Variants in CADM2 observed in about 807,000 individuals in gnomAD.
The protein encoded by CADM2 is immunoglobulin superfamily member 4D.
In CADM2, 12 loss-of-function variants were observed where a neutral mutation model predicts 49.8. The ratio of observed to expected loss-of-function variants is 0.24; its 90% CI spans 0.15 to 0.39. The LOEUF is 0.39. Ranked by LOEUF, CADM2 falls within the 10% of genes least tolerant of loss-of-function variation. The probability of loss-of-function intolerance (pLI) is 1.00; values close to 1 mark genes in which losing one functional copy is unlikely to be tolerated. For missense variants in CADM2, 378 were observed against 492.3 expected (o/e 0.77, Z 2.20); for synonymous variants, 214 against 175.4 (o/e 1.22, Z -1.74).
intron 1 of CADM2, among the ~76,000 whole-genome samples, chr3:85,099,448 A>G (rs1328119553): frequency 6.7e-6 from 1 of 149,784 alleles, no homozygotes; most frequent in East Asian, 2.0e-4. Flanking sequence ...CAGAAACTTG[A>G]TGATGTGTAA....
chr3:85,043,378 G>T (rs2035520593), intron 1 of CADM2, among the ~76,000 whole-genome samples: 1 of 151,904 alleles, frequency 6.6e-6, no homozygotes. Context: ...GCCCGTATAT[G>T]ACCATGAACA....
At chr3:85,730,834 G>T (rs1385697803) in intron 2 of CADM2, among the ~76,000 whole-genome samples, 1 of 152,014 alleles carries the variant, frequency 6.6e-6, no homozygotes, top group African/African-American at 2.4e-5. Flanking sequence ...AGCAAAATTT[G>T]GCAACTATAG....
intron 1 of CADM2, among the ~76,000 whole-genome samples, chr3:85,552,329 A>G (rs2061825799): frequency 6.6e-6 from 1 of 151,578 alleles, no homozygotes; most frequent in East Asian, 1.9e-4. Flanking sequence ...AAATAGCAGA[A>G]TCCATAAAAC....
At chr3:85,668,165 G>A (rs1022104584) in intron 1 of CADM2, among the ~76,000 whole-genome samples, 2 of 151,394 alleles carry the variant, frequency 1.3e-5, no homozygotes, top group Non-Finnish European at 3.0e-5. Context: ...TGGTGGAGAT[G>A]GCCCTTTCCT....
rs537584218 is a variant in CADM2, at chr3:85,507,959, A to G, written c.62-218563A>G. On this transcript the variant is annotated intron_variant, in intron 1 of 9. Transcript: ENST00000383699. ...AGATATCTGATGAATTTTGCCTTGG[A>G]TATGCATTTTTGCTTATTTTGGCAC... 2.0e-5 allele frequency among the ~76,000 whole-genome samples: 3 copies of G among 152,238 alleles called. No homozygotes were observed. In the East Asian group the frequency reaches 5.8e-4, roughly 29 times the overall value.
chr3:85,126,551 G>T (rs1222122699), intron 1 of CADM2, among the ~76,000 whole-genome samples: 5 of 152,014 alleles, frequency 3.3e-5, no homozygotes, highest in African/African-American at 1.2e-4. Flanking sequence ...AGAATGTTTA[G>T]CTTGGTCTTT....
intron 1 of CADM2, among the ~76,000 whole-genome samples, chr3:85,368,099 T>A (rs1349215989): frequency 6.6e-6 from 1 of 152,082 alleles, no homozygotes; most frequent in Admixed American, 6.6e-5. Flanking sequence ...AAGATATCTT[T>A]CCAATAATTT....
rs1219502396 is a variant in CADM2, at chr3:85,472,494, T to A, written c.62-254028T>A. 1.3e-5 allele frequency among the ~76,000 whole-genome samples: 2 copies of A among 152,000 alleles called. 1 individual carries two copies. The highest frequency in any genetic ancestry group is 2.9e-5 in the Non-Finnish European group (2 of 67,926). On this transcript the variant is annotated intron_variant, in intron 1 of 9. Transcript: ENST00000383699. ...TATACATTTCTACTCTGTGTTCTCA[T>A]ATATTATTTATTATGACATTTTGGG... is the stretch of plus-strand genomic sequence containing the variant.
At chr3:85,670,433 T>A (rs2065702350) in intron 1 of CADM2, among the ~76,000 whole-genome samples, 1 of 152,156 alleles carries the variant, frequency 6.6e-6, no homozygotes, top group Non-Finnish European at 1.5e-5. Flanking sequence ...CCTGCCTTAC[T>A]CAATAGTCAT....
intron 1 of CADM2, among the ~76,000 whole-genome samples, chr3:85,029,062 T>C (rs1347751201): frequency 6.6e-6 from 1 of 152,008 alleles, no homozygotes; most frequent in African/African-American, 2.4e-5. Flanking sequence ...TTACAAATTA[T>C]AGACTAAAAT....
At chr3:85,529,697 T>C (rs574372073) in intron 1 of CADM2, among the ~76,000 whole-genome samples, 2 of 152,106 alleles carry the variant, frequency 1.3e-5, no homozygotes, top group South Asian at 4.2e-4. Context: ...TCTCCGTCAC[T>C]GCTTGCTCTA....
intron 7 of CADM2, among the ~76,000 whole-genome samples, chr3:85,958,437 C>T (rs759167249): frequency 1.4e-4 from 22 of 151,866 alleles, no homozygotes; most frequent in Admixed American, 2.6e-4. Context: ...CCCAGCAATC[C>T]CATTACTGGA....
chr3:85,662,250 G>A (rs1190980090), intron 1 of CADM2, among the ~76,000 whole-genome samples: 9 of 138,346 alleles, frequency 6.5e-5, no homozygotes, highest in Non-Finnish European at 7.8e-5. Context: ...TTTTTTTTTG[G>A]TACTTAGACA....
chr3:85,544,492 G>T (rs62253963), intron 1 of CADM2, among the ~76,000 whole-genome samples: 1 of 152,056 alleles, frequency 6.6e-6, no homozygotes, highest in African/African-American at 2.4e-5. Context: ...CGGGTGAATG[G>T]CGTGAACCCG....
At position 85,370,160 on chromosome 3, in the gene CADM2, C is replaced by G. The variant is rs1011954565; in HGVS notation, c.62-356362C>G. 1.2e-4 allele frequency among the ~76,000 whole-genome samples: 18 copies of G among 150,226 alleles called. No individual in the cohort carries two copies. The Middle Eastern group carries it at 0.01, about 88-fold the overall frequency. ...ACCGGGAGGGAGAGGTTGCAGTCAG[C>G]TGAGATAGCGCCATTGCAATCCAGC... On this transcript the variant is annotated intron_variant, in intron 1 of 9. Coordinates refer to ENST00000383699, the MANE Select transcript of CADM2 (RefSeq NM_001167675.2).
At chr3:85,214,167 A>G (rs978237295) in intron 1 of CADM2, among the ~76,000 whole-genome samples, 1 of 151,628 alleles carries the variant, frequency 6.6e-6, no homozygotes, top group African/African-American at 2.4e-5. Flanking sequence ...AGGCCCAGTA[A>G]TGCTGTGGCT....
Position 85,453,294 on chromosome 3 carries a change from A to AG in CADM2, c.62-273228_62-273227insG, listed in dbSNP as rs2037836360. Among the ~76,000 whole-genome samples, 5 of 152,198 alleles carry AG rather than the reference A, an allele frequency of 3.3e-5. No homozygotes were observed. In the South Asian group the frequency reaches 1.0e-3, roughly 32 times the overall value. On this transcript the variant is annotated intron_variant, in intron 1 of 9. Coordinates refer to ENST00000383699, the MANE Select transcript of CADM2 (RefSeq NM_001167675.2). ...TAAAGTGGATGTTTCTTTGAAAAAA[A>AG]TTTACACTTCTTTAAATTCCTTTAA...
rs557598712 is a variant in CADM2, at chr3:85,103,583, G to A, written c.61+143915G>A. Among the ~76,000 whole-genome samples the A allele has an allele frequency of 3.9e-5, 6 of 152,262 alleles. No individual in the cohort carries two copies. The South Asian group carries it at 6.2e-4, about 16-fold the overall frequency. ...GTAATAATGGAGGCACAGAATAACCGAATGGGAGTTCAGAAGAAAATGCAT... is the reference window on the plus strand; with the variant it reads ...GTAATAATGGAGGCACAGAATAACCAAATGGGAGTTCAGAAGAAAATGCAT... On this transcript the variant is annotated intron_variant, in intron 1 of 9. Transcript: ENST00000383699.
At chr3:85,658,982 C>A (rs1056188409) in intron 1 of CADM2, among the ~76,000 whole-genome samples, 1 of 150,786 alleles carries the variant, frequency 6.6e-6, no homozygotes, top group Admixed American at 6.6e-5. Flanking sequence ...AGACCAGGAG[C>A]TTAAGGCTTC....
Sources: allele counts gnomAD v4.1 joint callset (sites outside exome capture counted in the v4.1 genomes callset), GRCh38; gene constraint gnomAD v4.1.1; transcripts MANE v1.5; gene names NCBI Gene and HGNC (gene_info 2026-07-23, HGNC 2026-07-21).